Variants in SGSH observed in about 807,000 individuals in gnomAD.
SGSH encodes heparan sulfate sulfatase.
In SGSH, 48 loss-of-function variants were observed where a neutral mutation model predicts 51.0. The observed-to-expected ratio is 0.94, with a 90% confidence interval of 0.75 to 1.20. The LOEUF is 1.20. SGSH is among the 50% of genes most tolerant of loss of function. The pLI, the probability that SGSH is intolerant of heterozygous loss-of-function variation, is 0.00. For missense variants in SGSH, 662 were observed against 717.8 expected (o/e 0.92, Z 0.89); for synonymous variants, 321 against 313.4 (o/e 1.02, Z -0.26).
chr17:80,219,195 A>G (rs1259808557), intron 1 of SGSH, among the ~76,000 whole-genome samples: 1 of 151,208 alleles, frequency 6.6e-6, no homozygotes, highest in East Asian at 1.9e-4. Flanking sequence ...AAGGAAAGAA[A>G]GGAAAAAGAA....
Position 80,209,795 on chromosome 17 carries a change from G to A in SGSH, c.*657C>T, listed in dbSNP as rs564023302. 3.7e-4 allele frequency: 362 copies of A among 987,148 alleles called. 2 individuals carry two copies. In the African/African-American group the frequency reaches 5.9e-3, roughly 16 times the overall value. 61.1% of individuals were successfully genotyped at this position (987,148 alleles called of 1,614,324 possible). A position where few individuals can be genotyped will look rare whatever the true frequency, so the allele number is the denominator to read the frequency against. On this transcript the variant is annotated 3_prime_UTR_variant, in exon 8 of 8. Transcript: ENST00000326317. ...AAGCTTCTGCCCAGAAACACCACAG[G>A]TTCAAGCTCATCACTCAGGGAGCCT...
chr17:80,210,918 A>C lies in SGSH; in HGVS notation c.1043T>G (p.Leu348Arg), dbSNP rs886321925. Reference sequence around the variant, plus strand: ...GGGCTCGGCCTCCAGCGCCGGCAGGAGGGACCGGCCAGTGAGGTGGATGGT... The same window carrying C: ...GGGCTCGGCCTCCAGCGCCGGCAGGCGGGACCGGCCAGTGAGGTGGATGGT... ...SKTIHLTGRS[L>R]LPALEAEPLW... Residue 348 changes from leucine to arginine, a missense_variant, in exon 8 of 8, where the codon CTC becomes CGC. Leu to Arg is a moderately radical substitution (Grantham distance 102). Coordinates refer to ENST00000326317, the MANE Select transcript of SGSH (RefSeq NM_000199.5). The C allele has an allele frequency of 6.2e-7, 1 of 1,609,546 alleles. No homozygotes were observed.
downstream of SGSH, chr17:80,202,603 A>G: frequency 4.2e-6 from 6 of 1,428,428 alleles, no homozygotes; most frequent in Non-Finnish European, 5.5e-6. Flanking sequence ...GATGCTTTAT[A>G]TATTGCAAAT....
Position 80,209,804 on chromosome 17 carries a change from C to T in SGSH, c.*648G>A, listed in dbSNP as rs1320578252. Reference sequence around the variant, plus strand: ...CCCAGAAACACCACAGGTTCAAGCTCATCACTCAGGGAGCCTGCTGCCAAT... The same window carrying T: ...CCCAGAAACACCACAGGTTCAAGCTTATCACTCAGGGAGCCTGCTGCCAAT... On this transcript the variant is annotated 3_prime_UTR_variant, in exon 8 of 8. Transcript: ENST00000326317. 1.3e-5 allele frequency: 13 copies of T among 987,266 alleles called. No homozygotes were observed. In the East Asian group the frequency reaches 1.1e-3, roughly 86 times the overall value. 61.2% of individuals were successfully genotyped at this position (987,266 alleles called of 1,614,324 possible).
Position 80,217,110 on chromosome 17 carries a change from G to C in SGSH, c.171C>G (p.Ser57Arg), listed in dbSNP as rs1131691434. The C allele has an allele frequency of 1.9e-6, 3 of 1,602,530 alleles. No homozygotes were observed. The highest frequency in any genetic ancestry group is 2.6e-6 in the Non-Finnish European group (3 of 1,176,184). The change falls in exon 2 of 8, where the codon AGC becomes AGG. Residue 57 changes from serine to arginine, a missense_variant. Coordinates refer to ENST00000326317, the MANE Select transcript of SGSH (RefSeq NM_000199.5). ...AGGTGAAGGCATTGCGAAAGAGGAG[G>C]CTGCGGCGGGCCAAGGCGTCCAGGT... Reference protein sequence around the residue: ...TPHLDALARRSLLFRNAFTSV... With the variant: ...TPHLDALARRRLLFRNAFTSV...
rs1478799815 is a variant in SGSH, at chr17:80,220,261, C to T, written c.53G>A (p.Cys18Tyr). 7 of 1,523,330 alleles carry T rather than the reference C, an allele frequency of 4.6e-6. No homozygotes were observed. The highest frequency in any genetic ancestry group is 6.1e-6 in the Non-Finnish European group (7 of 1,142,086). 94.4% of individuals were successfully genotyped at this position (1,523,330 alleles called of 1,614,324 possible). A position where few individuals can be genotyped will look rare whatever the true frequency, so the allele number is the denominator to read the frequency against. Residue 18 changes from cysteine to tyrosine, a missense_variant, in exon 1 of 8, where the codon TGC (cysteine) becomes TAC (tyrosine). By Grantham distance (194) the Cys-to-Tyr change is radical (BLOSUM62 -2). Transcript: ENST00000326317. ...CCALLLVLGL[C>Y]RARPRNALLL... is the part of the protein sequence containing the mutation. Reference sequence around the variant, plus strand: ...CAGTGCGTTCCGGGGACGCGCCCGGCAGAGCCCCAGGACTAGCAGCAGCGC... The same window carrying T: ...CAGTGCGTTCCGGGGACGCGCCCGGTAGAGCCCCAGGACTAGCAGCAGCGC...
downstream of SGSH, chr17:80,208,106 G>C (rs1001569174): frequency 1.4e-6 from 2 of 1,468,094 alleles, no homozygotes; most frequent in African/African-American, 2.8e-5. Context: ...GCTCTCCCCT[G>C]AGCCCGCCCC....
At chr17:80,208,163 T>TCA (rs1191746036), downstream of SGSH, 2 of 1,537,840 alleles carry the variant, frequency 1.3e-6, no homozygotes, top group African/African-American at 2.7e-5. Context: ...GTTGGGCACC[T>TCA]CAGAGGAGCA....
intron 7 of SGSH, 95 bp downstream of exon 7, chr17:80,211,976 A>G (rs2041684270): frequency 1.0e-6 from 1 of 988,308 alleles, no homozygotes; most frequent in Non-Finnish European, 1.6e-6. Flanking sequence ...TGAGAGCCAC[A>G]TTAGGTAATG....
rs111761143 is a variant in SGSH, at chr17:80,214,731, G to A, written c.390C>T (p.Thr130=). ...TGTACGCAAAGTCAAACGGGTACAC[G>A]GTCTCCGGCCCCACGTGCTTCTTCC... ...IIGKKHVGPE[T]VYPFDFAYTE... is the part of the protein sequence containing the mutation. The change falls in exon 4 of 8, where the codon ACC becomes ACT. Residue 130 remains threonine, a synonymous_variant. Coordinates refer to ENST00000326317, the MANE Select transcript of SGSH (RefSeq NM_000199.5). 310 of 1,612,884 alleles carry A rather than the reference G, an allele frequency of 1.9e-4. 1 individual carries two copies. The African/African-American group carries it at 3.3e-3, about 17-fold the overall frequency.
chr17:80,206,690 C>G, downstream of SGSH: 1 of 181,490 alleles, frequency 5.5e-6, no homozygotes, highest in East Asian at 1.4e-4. Context: ...TGGCATGAAC[C>G]TGGGAGGCAG....
intron 7 of SGSH, chr17:80,211,481 G>A (rs1248382274): frequency 3.6e-5 from 10 of 279,012 alleles, no homozygotes; most frequent in Non-Finnish European, 7.0e-5. Context: ...TCTGCCCTGT[G>A]CCGAAGGGGT....
intron 1 of SGSH, chr17:80,219,981 G>C: frequency 2.5e-6 from 1 of 408,160 alleles, no homozygotes; most frequent in Non-Finnish European, 4.4e-6. Context: ...TGGGACAGGC[G>C]GCACGAGGTA....
At chr17:80,203,620 T>G, downstream of SGSH, 1 of 520,948 alleles carries the variant, frequency 1.9e-6, no homozygotes, top group Non-Finnish European at 3.4e-6. This position sits in a 1 kb window ranked among gnomAD's most constrained non-coding sequence, Gnocchi z 4.6. Flanking sequence ...GCCGAGGCCC[T>G]GGAGTCTTTT....
At chr17:80,208,660 A>AG (rs1245550888), downstream of SGSH, 1 of 290,274 alleles carries the variant, frequency 3.4e-6, no homozygotes, top group Non-Finnish European at 6.4e-6. Context: ...CTAGAACCGG[A>AG]GGCCCCGGAC....
At chr17:80,214,417 T>G in intron 4 of SGSH, 89 bp from the exon 5 acceptor site, 2 of 1,468,396 alleles carry the variant, frequency 1.4e-6, no homozygotes, top group South Asian at 2.6e-5. Context: ...CCTCTGTATC[T>G]GGAAGTCAAC....
chr17:80,207,731 C>A, downstream of SGSH: 1 of 196,518 alleles, frequency 5.1e-6, no homozygotes. Flanking sequence ...TGTAAATTAA[C>A]AAATTGGCAC....
rs534521116 is a variant in SGSH at position 80,216,876 on chromosome 17, C to T, written c.249+156G>A. On this transcript the variant is annotated intron_variant, in intron 2 of 7. Coordinates refer to ENST00000326317, the MANE Select transcript of SGSH (RefSeq NM_000199.5). ...GGTGAGTCGGAGCCCCTAGTCTGCACTCACAGCCATAGGCTGTGCCTCCTC... is the reference window on the plus strand; with the variant it reads ...GGTGAGTCGGAGCCCCTAGTCTGCATTCACAGCCATAGGCTGTGCCTCCTC... 86 of 730,404 alleles carry T rather than the reference C, an allele frequency of 1.2e-4. No homozygotes were observed. In the African/African-American group the frequency reaches 1.5e-3, roughly 13 times the overall value. 45.2% of individuals were successfully genotyped at this position (730,404 alleles called of 1,614,324 possible).
In SGSH at chr17:80,213,948, T is replaced by A; in HGVS notation, c.664-63A>T. On this transcript the variant is annotated intron_variant, in intron 5 of 7. Coordinates refer to ENST00000326317, the MANE Select transcript of SGSH (RefSeq NM_000199.5). The surrounding 1 kb of genome is among the most constrained non-coding windows in gnomAD (Gnocchi z 4.6). ...AGACCGGGGGAGCGGTGTCCAGCCT[T>A]CTCCCCGGGGCCTCCTGCAAATGGG... is the stretch of plus-strand genomic sequence containing the variant. The A allele has an allele frequency of 6.7e-7, 1 of 1,489,984 alleles. No individual in the cohort carries two copies. Among genetic ancestry groups the A allele is most frequent in the Non-Finnish European group, 9.2e-7 (1 of 1,092,796 alleles). The allele number at this position is 1,489,984 out of a possible 1,614,324, so 92.3% of individuals were successfully genotyped here. A position where few individuals can be genotyped will look rare whatever the true frequency, so the allele number is the denominator to read the frequency against.
Sources: allele counts gnomAD v4.1 joint callset (sites outside exome capture counted in the v4.1 genomes callset), GRCh38; gene constraint gnomAD v4.1.1; non-coding constraint Gnocchi (gnomAD v3.1); transcripts MANE v1.5; gene names NCBI Gene and HGNC (gene_info 2026-07-23, HGNC 2026-07-21).